PTPN22: variants seen among roughly 807,000 people sequenced by gnomAD.
The protein encoded by PTPN22 is protein tyrosine phosphatase non-receptor type 22.
Under a neutral mutation model 103.3 loss-of-function variants are expected in PTPN22, and 85 were observed. The observed-to-expected ratio is 0.82, with a 90% CI of 0.69 to 0.99. PTPN22 has a LOEUF of 0.99. Among genes scored for constraint, PTPN22 ranks in the 50% least tolerant of loss-of-function variants. The probability of loss-of-function intolerance (pLI) is 0.00; values close to 1 mark genes in which losing one functional copy is unlikely to be tolerated. For missense variants in PTPN22, 865 were observed against 936.9 expected (o/e 0.92, Z 1.00); for synonymous variants, 323 against 310.2 (o/e 1.04, Z -0.43).
intron 19 of PTPN22, among the ~76,000 whole-genome samples, chr1:113,824,928 G>A (rs531184222): frequency 2.7e-4 from 35 of 129,840 alleles, no homozygotes; most frequent in African/African-American, 8.8e-4. Flanking sequence ...ACTTCTCATC[G>A]CCTACTCCCT....
exon 6 of PTPN22, chr1:113,856,595 C>T (rs1665098094): frequency 2.5e-6 from 4 of 1,614,040 alleles, no homozygotes; most frequent in East Asian, 2.2e-5. Context: ...TCTCCTGGCT[C>T]AGCCCAGTAG....
At chr1:113,814,617 G>T in exon 21 of PTPN22, 1 of 252,274 alleles carries the variant, frequency 4.0e-6, no homozygotes, top group Admixed American at 5.2e-5. Context: ...AAAATAACTG[G>T]CAAAAATGAA....
exon 21 of PTPN22, chr1:113,814,952 A>C (rs746869076): frequency 1.2e-6 from 2 of 1,607,414 alleles, no homozygotes; most frequent in Non-Finnish European, 1.7e-6. Flanking sequence ...TTGGGTTTTG[A>C]AAAACGGTTT....
chr1:113,845,426 T>G (rs755548914), intron 11 of PTPN22, among the ~76,000 whole-genome samples: 4 of 151,886 alleles, frequency 2.6e-5, no homozygotes, highest in Admixed American at 6.6e-5. Context: ...TGGTCTCAAA[T>G]TCCTGACCTC....
At chr1:113,830,795 T>C (rs1662479530) in intron 16 of PTPN22, among the ~76,000 whole-genome samples, 1 of 152,174 alleles carries the variant, frequency 6.6e-6, no homozygotes, top group African/African-American at 2.4e-5. Context: ...TCTACTGACA[T>C]AAGCATTTAA....
chr1:113,829,780 T>C, intron 17 of PTPN22, 73 bp from the exon 18 acceptor site: 3 of 1,254,804 alleles, frequency 2.4e-6, no homozygotes, highest in Non-Finnish European at 3.4e-6. Flanking sequence ...ATATAATAAA[T>C]TGTTAGCTTG....
At chr1:113,819,721 C>A in intron 19 of PTPN22, 67 bp from the exon 20 acceptor site, 1 of 1,033,512 alleles carries the variant, frequency 9.7e-7, no homozygotes, top group Non-Finnish European at 1.4e-6. Flanking sequence ...TTGATCAGAT[C>A]ACATATAATT....
intron 11 of PTPN22, among the ~76,000 whole-genome samples, chr1:113,847,547 C>T (rs1229593480): frequency 6.9e-6 from 1 of 144,808 alleles, no homozygotes; most frequent in Non-Finnish European, 1.5e-5. Context: ...TGTTATGAGA[C>T]TCTGAATCTT....
In PTPN22 at chr1:113,840,221, C is replaced by CAA. The variant is rs35772284; in HGVS notation, c.916-1603_916-1602dup. Among the ~76,000 whole-genome samples, 146 of 116,712 alleles carry CAA rather than the reference C, an allele frequency of 1.3e-3. 1 individual carries two copies. The highest frequency in any genetic ancestry group is 2.0e-3 in the African/African-American group (71 of 34,654). The allele number at this position is 116,712 out of a possible 152,430, so 76.6% of individuals were successfully genotyped here. A position where few individuals can be genotyped will look rare whatever the true frequency, so the allele number is the denominator to read the frequency against. Reference sequence around the variant, plus strand: ...ATAAGACCCTAACTTAATTCCATCTCAAAAAAAAAAAAAAAATTGGAAAAA... The same window carrying CAA: ...ATAAGACCCTAACTTAATTCCATCTCAAAAAAAAAAAAAAAAAATTGGAAAAA... On this transcript the variant is annotated intron_variant, in intron 11 of 20. Coordinates refer to ENST00000359785, the Ensembl canonical transcript of PTPN22.
intron 11 of PTPN22, among the ~76,000 whole-genome samples, chr1:113,847,282 T>G (rs1250102267): frequency 6.6e-6 from 1 of 150,846 alleles, no homozygotes; most frequent in African/African-American, 2.4e-5. Context: ...TAATTTGATT[T>G]AAGCATGTTT....
At chr1:113,826,431 AAGGG>A (rs2101904035) in intron 18 of PTPN22, among the ~76,000 whole-genome samples, 1 of 151,336 alleles carries the variant, frequency 6.6e-6, no homozygotes, top group African/African-American at 2.4e-5. Flanking sequence ...AAGGGAAGGG[AAGGG>A]AAGGGAAGGG....
exon 13 of PTPN22, chr1:113,838,249 T>A (rs1485154569): frequency 6.2e-7 from 1 of 1,614,120 alleles, no homozygotes; most frequent in Non-Finnish European, 8.5e-7. Context: ...AAAACTGTAA[T>A]TTAGCTCCAG....
At chr1:113,830,003 G>A (rs1662418482) in exon 17 of PTPN22, 1 of 1,606,704 alleles carries the variant, frequency 6.2e-7, no homozygotes, top group Admixed American at 1.7e-5. Context: ...AGAGGAGGTG[G>A]GGGAGAAGAA....
chr1:113,857,056 A>G (rs1020376065), intron 5 of PTPN22, among the ~76,000 whole-genome samples: 1 of 152,210 alleles, frequency 6.6e-6, no homozygotes, highest in African/African-American at 2.4e-5. Context: ...ATATTAAAAA[A>G]TGAAAAGAGG....
chr1:113,859,313 G>T lies in PTPN22; in HGVS notation c.196+39C>A, dbSNP rs72483509. On this transcript the variant is annotated intron_variant, in intron 2 of 20. Transcript: ENST00000359785. ...CAAAGAGATAGTAATGATTGAATTT[G>T]GGAGAAAGTATGAGTTTATAGAGAG... 1.9e-6 allele frequency: 3 copies of T among 1,573,912 alleles called. No homozygotes were observed. In the East Asian group the frequency reaches 6.7e-5, roughly 35 times the overall value.
intron 11 of PTPN22, among the ~76,000 whole-genome samples, chr1:113,847,665 G>A (rs1454591251): frequency 4.7e-5 from 7 of 149,840 alleles, no homozygotes; most frequent in African/African-American, 9.8e-5. Flanking sequence ...TGCAACCTCC[G>A]CCTCCTGGGT....
At chr1:113,840,343 A>G (rs989060805) in intron 11 of PTPN22, among the ~76,000 whole-genome samples, 6 of 152,200 alleles carry the variant, frequency 3.9e-5, no homozygotes, top group African/African-American at 1.4e-4. Flanking sequence ...TCAAAGTTGC[A>G]GGATGTAAAA....
chr1:113,819,736 A>G, intron 19 of PTPN22, 82 bp from the exon 20 acceptor site: 1 of 852,094 alleles, frequency 1.2e-6, no homozygotes, highest in South Asian at 2.7e-5. Context: ...ATAATTGTTA[A>G]GAGTAATTAA....
At chr1:113,823,173 G>C (rs1661763636) in intron 19 of PTPN22, 1 of 152,198 alleles carries the variant, frequency 6.6e-6, no homozygotes, top group Non-Finnish European at 1.5e-5. Context: ...GCCCATATCT[G>C]TTCTGTTCAC....
Sources: gnomAD v4.1 joint callset for allele counts (sites outside exome capture counted in the v4.1 genomes callset) on GRCh38, gnomAD v4.1.1 for gene constraint, MANE v1.5 for transcripts, NCBI Gene and HGNC (gene_info 2026-07-23, HGNC 2026-07-21) for gene names.